NARS2: variants seen among roughly 807,000 people sequenced by gnomAD.
The protein encoded by NARS2 is asparaginyl-tRNA synthetase.
In NARS2, 60 loss-of-function variants were observed where a neutral mutation model predicts 62.9. The ratio of observed to expected loss-of-function variants is 0.95; its 90% CI spans 0.77 to 1.18. NARS2 has a LOEUF of 1.18. Among genes scored for constraint, NARS2 ranks in the 50% most tolerant of loss-of-function variants. The pLI, the probability that NARS2 is intolerant of heterozygous loss-of-function variation, is 0.00. For missense variants in NARS2, 619 were observed against 576.4 expected, an observed-to-expected ratio of 1.07 and a Z score of -0.76; for synonymous variants, 196 against 200.0, an observed-to-expected ratio of 0.98 and a Z score of 0.17.
In NARS2 at chr11:78,543,431, T is replaced by C. The variant is rs145549306; in HGVS notation, c.595-14495A>G. Among the ~76,000 whole-genome samples the C allele has an allele frequency of 5.0e-3, 767 of 152,330 alleles. 4 individuals are homozygous for C. The highest frequency in any genetic ancestry group is 0.018 in the African/African-American group (744 of 41,582). On this transcript the variant is annotated intron_variant, in intron 5 of 13. Transcript: ENST00000281038. ...AGTATAAACTCAAAAAACTTTCCAG[T>C]GTTTATGAAGCTGACATTTTCTTTT... is the stretch of plus-strand genomic sequence containing the variant.
intron 5 of NARS2, among the ~76,000 whole-genome samples, chr11:78,550,944 C>G (rs1341150234): frequency 6.6e-6 from 1 of 152,112 alleles, no homozygotes; most frequent in African/African-American, 2.4e-5. Context: ...TACTACAATA[C>G]TTTATAAGTG....
chr11:78,475,580 C>CTTTTT (rs377023107), intron 9 of NARS2, among the ~76,000 whole-genome samples: 41 of 93,988 alleles, frequency 4.4e-4, no homozygotes, highest in African/African-American at 1.1e-3. Flanking sequence ...TATCATTTGA[C>CTTTTT]TTTTTTTTTT....
At chr11:78,553,367 C>T (rs572397370) in intron 5 of NARS2, among the ~76,000 whole-genome samples, 1 of 152,198 alleles carries the variant, frequency 6.6e-6, no homozygotes, top group South Asian at 2.1e-4. Flanking sequence ...CAGCTCACTG[C>T]AACCTGCACC....
At chr11:78,515,554 TGTTACTCTGGCTGGA>T (rs1860875761) in intron 6 of NARS2, among the ~76,000 whole-genome samples, 1 of 152,194 alleles carries the variant, frequency 6.6e-6, no homozygotes, top group South Asian at 2.1e-4. Flanking sequence ...GGTCTGGTTC[TGTTACTCTGGCTGGA>T]GTGCAGTGGT....
rs996111076 is a variant in NARS2, at chr11:78,574,777, A to C, written c.-289T>G. ...CTGGGGCGCCCCACTACCCGCGACA[A>C]TTGTAAACCTACGAACAGAACCCGG... On this transcript the variant is annotated 5_prime_UTR_variant, in exon 1 of 14. Transcript: ENST00000281038. 1 of 408,054 alleles carries C rather than the reference A, an allele frequency of 2.5e-6. No individual in the cohort carries two copies. The highest frequency in any genetic ancestry group is 4.7e-5 in the East Asian group (1 of 21,400). 25.3% of individuals were successfully genotyped at this position (408,054 alleles called of 1,614,324 possible).
intron 6 of NARS2, among the ~76,000 whole-genome samples, chr11:78,527,775 A>T (rs144058867): frequency 7.0e-4 from 107 of 152,322 alleles, no homozygotes; most frequent in African/African-American, 2.4e-3. Flanking sequence ...AGAAAAAGAT[A>T]CATAAAGAAA....
intron 4 of NARS2, among the ~76,000 whole-genome samples, chr11:78,560,158 G>C (rs1029774938): frequency 6.6e-6 from 1 of 152,170 alleles, no homozygotes; most frequent in African/African-American, 2.4e-5. Flanking sequence ...GACAAATAGA[G>C]ACTGAATAAA....
chr11:78,536,122 A>T (rs1398679942), intron 5 of NARS2, among the ~76,000 whole-genome samples: 2 of 152,178 alleles, frequency 1.3e-5, no homozygotes, highest in Non-Finnish European at 2.9e-5. Flanking sequence ...AGAGCTGAAA[A>T]ATTCCTATTT....
At chr11:78,537,241 C>T (rs1855391902) in intron 5 of NARS2, among the ~76,000 whole-genome samples, 1 of 151,862 alleles carries the variant, frequency 6.6e-6, no homozygotes, top group Admixed American at 6.6e-5. Context: ...AGTCACGATA[C>T]AAAAAAATGT....
intron 13 of NARS2, 57 bp from the exon 14 acceptor site, chr11:78,436,871 G>A (rs1196846238): frequency 5.3e-6 from 8 of 1,514,514 alleles, no homozygotes; most frequent in African/African-American, 1.4e-5. Flanking sequence ...CAGATGTTAT[G>A]ATTAGAATTT....
chr11:78,499,764 C>A (rs1860214869), intron 6 of NARS2, among the ~76,000 whole-genome samples: 1 of 152,192 alleles, frequency 6.6e-6, no homozygotes, highest in Non-Finnish European at 1.5e-5. Context: ...TGAAATGCCA[C>A]TTCATTCCTG....
chr11:78,470,581 C>T (rs1436919522), intron 9 of NARS2, among the ~76,000 whole-genome samples: 3 of 152,126 alleles, frequency 2.0e-5, no homozygotes, highest in Non-Finnish European at 4.4e-5. Context: ...TTTTGTATTA[C>T]ATAATATTCT....
chr11:78,443,574 G>A, intron 12 of NARS2, 87 bp downstream of exon 12: 1 of 846,350 alleles, frequency 1.2e-6, no homozygotes, highest in Non-Finnish European at 1.9e-6. Flanking sequence ...GAGGCCCAGG[G>A]TCTTCACTCT....
In NARS2 at chr11:78,436,625, A is replaced by G; in HGVS notation, c.*45T>C. The stretch of plus-strand genomic sequence containing the variant: ...TTCTGCTGTATGCACAATCATGTGC[A>G]GTGTCTCTGCCATGGGGGGTGCTTT... On this transcript the variant is annotated 3_prime_UTR_variant, in exon 14 of 14. Coordinates refer to ENST00000281038, the MANE Select transcript of NARS2 (RefSeq NM_024678.6). 2 of 1,605,420 alleles carry G rather than the reference A, an allele frequency of 1.2e-6. No individual in the cohort carries two copies. Among genetic ancestry groups the G allele is most frequent in the South Asian group, 1.1e-5 (1 of 90,464 alleles).
chr11:78,471,655 C>T (rs761988606), intron 9 of NARS2, among the ~76,000 whole-genome samples: 2 of 151,310 alleles, frequency 1.3e-5, no homozygotes, highest in Non-Finnish European at 2.9e-5. Context: ...TCTAGCATTA[C>T]GTACATCTCC....
chr11:78,566,229 A>G lies in NARS2; in HGVS notation c.416T>C (p.Leu139Pro), dbSNP rs751225051. The G allele has an allele frequency of 1.9e-6, 3 of 1,611,654 alleles. No individual in the cohort carries two copies. The Admixed American group carries it at 5.0e-5, about 27-fold the overall frequency. The stretch of plus-strand genomic sequence containing the variant: ...ACACCTAAAGTGAGGATATTGTCGC[A>G]GATACTCCAGAGGATGCCTCTCTTT... ...KYKERHPLEY[L>P]RQYPHFRCRT... is the part of the protein sequence containing the mutation. The change falls in exon 4 of 14, where the codon CTG becomes CCG. Residue 139 changes from leucine to proline, a missense_variant. Leu to Pro is a moderately conservative substitution (Grantham distance 98, BLOSUM62 -3). Transcript: ENST00000281038.
chr11:78,498,552 A>G (rs1351303693), intron 6 of NARS2, among the ~76,000 whole-genome samples: 2 of 152,044 alleles, frequency 1.3e-5, no homozygotes, highest in Admixed American at 6.6e-5. Flanking sequence ...CCAAAAGTAT[A>G]TATCCATCTG....
chr11:78,555,009 A>G (rs755783686), intron 5 of NARS2, among the ~76,000 whole-genome samples: 4 of 151,798 alleles, frequency 2.6e-5, no homozygotes, highest in Non-Finnish European at 4.4e-5. Flanking sequence ...TTTCTGCATT[A>G]GTTCTATTTA....
chr11:78,567,969 CT>C (rs1181566084), intron 3 of NARS2, among the ~76,000 whole-genome samples: 3 of 152,206 alleles, frequency 2.0e-5, no homozygotes, highest in Non-Finnish European at 4.4e-5. Flanking sequence ...CATTAATAAT[CT>C]TTTATTCTCT....
Sources: allele counts gnomAD v4.1 joint callset (sites outside exome capture counted in the v4.1 genomes callset), GRCh38; gene constraint gnomAD v4.1.1; transcripts MANE v1.5; gene names NCBI Gene and HGNC (gene_info 2026-07-23, HGNC 2026-07-21).